The following KLHL12 variants were observed in gnomAD, a reference collection of about 807,000 sequenced individuals.
KLHL12 encodes the protein kelch-like protein 12.
Under a neutral mutation model 60.8 loss-of-function variants are expected in KLHL12, and 17 were observed. The observed-to-expected ratio is 0.28, with a 90% confidence interval of 0.19 to 0.42. The LOEUF (loss-of-function observed/expected upper bound fraction) is 0.42, where lower values mean the gene tolerates loss of function less well. Ranked by LOEUF, KLHL12 falls within the 10% of genes least tolerant of loss-of-function variation. KLHL12 has a pLI of 1.00. For missense variants in KLHL12, 468 were observed against 722.3 expected, an observed-to-expected ratio of 0.65 and a Z score of 4.04; for synonymous variants, 220 against 250.9, an observed-to-expected ratio of 0.88 and a Z score of 1.16.
At chr1:202,904,997 A>G (rs778671020) in intron 6 of KLHL12, among the ~76,000 whole-genome samples, 3 of 152,214 alleles carry the variant, frequency 2.0e-5, no homozygotes, top group Non-Finnish European at 4.4e-5. Flanking sequence ...TTATCCTGGT[A>G]GCTGGTTTAG....
intron 6 of KLHL12, among the ~76,000 whole-genome samples, chr1:202,908,730 A>C (rs1348450508): frequency 6.6e-6 from 1 of 152,222 alleles, no homozygotes; most frequent in East Asian, 1.9e-4. Context: ...TAATATTGAC[A>C]AAAAATTGTA....
rs1659698202 is a variant in KLHL12, at chr1:202,892,282, G to C, written c.*251C>G. 1 of 442,754 alleles carries C rather than the reference G, an allele frequency of 2.3e-6. No individual in the cohort carries two copies. The highest frequency in any genetic ancestry group is 4.1e-6 in the Non-Finnish European group (1 of 243,570). 27.4% of individuals were successfully genotyped at this position (442,754 alleles called of 1,614,324 possible). On this transcript the variant is annotated 3_prime_UTR_variant, in exon 12 of 12. Transcript: ENST00000367261. ...GAAAGTGCTCCCCAAAGCAGTGGGA[G>C]AGGCAATGTGGTCTCTCACATCCAT...
At chr1:202,922,268 T>C (rs1373552397) in intron 2 of KLHL12, among the ~76,000 whole-genome samples, 1 of 124,254 alleles carries the variant, frequency 8.0e-6, no homozygotes, top group Non-Finnish European at 1.8e-5. Context: ...ATATTATTAC[T>C]ATCTAAGAGA....
rs1465157278 is a variant in KLHL12 at position 202,918,347 on chromosome 1, C to G, written c.391G>C (p.Asp131His). ...ACCEFLESQL[D>H]PSNCLGIRDF... ...CTAATACCCAGGCAATTAGAAGGGTCCAACTGACTTTCTAAGAACTCACAG... is the reference window on the plus strand; with the variant it reads ...CTAATACCCAGGCAATTAGAAGGGTGCAACTGACTTTCTAAGAACTCACAG... Residue 131 changes from aspartate to histidine, a missense_variant, in exon 4 of 12, where the codon GAC (aspartate) becomes CAC (histidine). Asp to His is a moderately conservative substitution (Grantham distance 81). Coordinates refer to ENST00000367261, the MANE Select transcript of KLHL12 (RefSeq NM_021633.4). 35 of 1,614,038 alleles carry G rather than the reference C, an allele frequency of 2.2e-5. No individual in the cohort carries two copies. Among genetic ancestry groups the G allele is most frequent in the Non-Finnish European group, 2.9e-5 (34 of 1,180,018 alleles).
chr1:202,927,172 C>T lies in KLHL12; in HGVS notation c.-129G>A, dbSNP rs1653619721. On this transcript the variant is annotated 5_prime_UTR_variant, in exon 1 of 12. Transcript: ENST00000367261. ...TGCGGCGCGGGGCTAGCAGGCGGCT[C>T]GGGAGGAGCCGAAGCGCCGCCCAGA... The T allele has an allele frequency of 5.1e-6, 5 of 985,262 alleles. No individual in the cohort carries two copies. The highest frequency in any genetic ancestry group is 6.0e-6 in the Non-Finnish European group (5 of 829,930). The allele number at this position is 985,262 out of a possible 1,614,324, so 61.0% of individuals were successfully genotyped here.
rs1659733019 is a variant in KLHL12, at chr1:202,893,263, C to T, written c.1556G>A (p.Arg519Gln). The T allele has an allele frequency of 3.7e-6, 6 of 1,608,992 alleles. No individual in the cohort carries two copies. In the South Asian group the frequency reaches 6.6e-5, roughly 18 times the overall value. ...PRCYVGATVL[R>Q]GRLYAIAGYD... ...CCCTGCAATTGCATAGAGTCTCCCCCGAAGCACTGTGGCCCCTACATAGCA... is the reference window on the plus strand; with the variant it reads ...CCCTGCAATTGCATAGAGTCTCCCCTGAAGCACTGTGGCCCCTACATAGCA... The change falls in exon 11 of 12, where the codon CGG becomes CAG. Residue 519 changes from arginine (R) to glutamine (Q), a missense_variant. Coordinates refer to ENST00000367261, the MANE Select transcript of KLHL12 (RefSeq NM_021633.4). The surrounding 1 kb of genome is among the most constrained non-coding windows in gnomAD (Gnocchi z 4.1).
intron 2 of KLHL12, among the ~76,000 whole-genome samples, chr1:202,924,234 CTT>C (rs936016253): frequency 3.3e-5 from 5 of 152,142 alleles, no homozygotes; most frequent in African/African-American, 1.2e-4. Flanking sequence ...TCCTAATTCC[CTT>C]TGTTAAGTGC....
Position 202,895,758 on chromosome 1 carries a change from G to C in KLHL12, c.940-41C>G, listed in dbSNP as rs1318145721. On this transcript the variant is annotated intron_variant, in intron 7 of 11. Coordinates refer to ENST00000367261, the MANE Select transcript of KLHL12 (RefSeq NM_021633.4). This position sits in a 1 kb window ranked among gnomAD's most constrained non-coding sequence, Gnocchi z 4.2. Reference sequence around the variant, plus strand: ...GAAGAGGTACAGAGCATTTCAGTTAGGCAAGTTTTGGGCCTTACCTTTTGC... The same window carrying C: ...GAAGAGGTACAGAGCATTTCAGTTACGCAAGTTTTGGGCCTTACCTTTTGC... 6.5e-7 allele frequency: 1 copy of C among 1,538,678 alleles called. No homozygotes were observed. The highest frequency in any genetic ancestry group is 8.9e-7 in the Non-Finnish European group (1 of 1,119,694).
intron 4 of KLHL12, among the ~76,000 whole-genome samples, chr1:202,914,151 G>A (rs368003835): frequency 6.6e-6 from 1 of 152,192 alleles, no homozygotes; most frequent in East Asian, 1.9e-4. Flanking sequence ...GACTCTCAGA[G>A]CAACTTGAAA....
At position 202,919,833 on chromosome 1, in the gene KLHL12, C is replaced by T; in HGVS notation, c.271G>A (p.Val91Met). The change falls in exon 3 of 12, where the codon GTG becomes ATG. Residue 91 changes from valine (V) to methionine (M), a missense_variant. Transcript: ENST00000367261. Reference protein sequence around the residue: ...ASTMEILLDFVYTETVHVTVE... With the variant: ...ASTMEILLDFMYTETVHVTVE... Reference sequence around the variant, plus strand: ...GTCACATGTACTGTTTCTGTGTACACAAAGTCCAATAAAATTTCCATGGTA... The same window carrying T: ...GTCACATGTACTGTTTCTGTGTACATAAAGTCCAATAAAATTTCCATGGTA... 1.2e-6 allele frequency: 2 copies of T among 1,613,890 alleles called. No homozygotes were observed. The highest frequency in any genetic ancestry group is 1.3e-5 in the African/African-American group (1 of 75,040).
intron 8 of KLHL12, 71 bp from the exon 9 acceptor site, chr1:202,894,820 T>C (rs999301423): frequency 3.0e-5 from 40 of 1,323,670 alleles, no homozygotes; most frequent in Non-Finnish European, 4.0e-5. Context: ...CTCTACAAAT[T>C]TTCCAAGGGT....
At chr1:202,927,325 G>T, upstream of KLHL12, 1 of 941,650 alleles carries the variant, frequency 1.1e-6, no homozygotes, top group Non-Finnish European at 1.3e-6. Flanking sequence ...AGGAGGTGGT[G>T]TCACGTGACC....
chr1:202,904,442 C>T (rs1660121843), intron 6 of KLHL12, among the ~76,000 whole-genome samples: 1 of 152,172 alleles, frequency 6.6e-6, no homozygotes, highest in Non-Finnish European at 1.5e-5. Flanking sequence ...GAAAGTCCTT[C>T]TTCCCCAGAA....
chr1:202,896,938 C>T lies in KLHL12; in HGVS notation c.855G>A (p.Val285=), dbSNP rs1280038153. Residue 285 remains valine (V), a synonymous_variant, in exon 7 of 12, where the codon GTG becomes GTA. Coordinates refer to ENST00000367261, the MANE Select transcript of KLHL12 (RefSeq NM_021633.4). The part of the protein sequence containing the change: ...ARLGANEVLL[V]VGGFGSQQSP... ...ACTGCTGGCTTCCAAAGCCCCCAACCACCAAAAGCACTTCATTGGCTCCTG... is the reference window on the plus strand; with the variant it reads ...ACTGCTGGCTTCCAAAGCCCCCAACTACCAAAAGCACTTCATTGGCTCCTG... 18 of 1,613,974 alleles carry T rather than the reference C, an allele frequency of 1.1e-5. No individual in the cohort carries two copies. The highest frequency in any genetic ancestry group is 1.4e-5 in the Non-Finnish European group (17 of 1,179,998).
At chr1:202,908,197 T>C (rs969884527) in intron 6 of KLHL12, among the ~76,000 whole-genome samples, 2 of 152,182 alleles carry the variant, frequency 1.3e-5, no homozygotes, top group Admixed American at 1.3e-4. Flanking sequence ...TTAGGTATCT[T>C]ATATACATTA....
upstream of KLHL12, among the ~76,000 whole-genome samples, chr1:202,927,674 TAAAAAAA>T (rs748842460): frequency 5.3e-5 from 4 of 75,418 alleles, no homozygotes; most frequent in East Asian, 1.4e-3. Context: ...TGAGACCCTG[TAAAAAAA>T]AAAAAAAAAA....
upstream of KLHL12, among the ~76,000 whole-genome samples, chr1:202,927,653 G>A (rs1306163451): frequency 2.1e-5 from 3 of 142,424 alleles, no homozygotes; most frequent in Admixed American, 2.2e-4. Flanking sequence ...ACTCCAGCCT[G>A]GGCCACAGAA....
intron 2 of KLHL12, among the ~76,000 whole-genome samples, chr1:202,922,239 G>A (rs1034736156): frequency 4.6e-5 from 7 of 151,760 alleles, no homozygotes; most frequent in Non-Finnish European, 7.4e-5. Flanking sequence ...ACAGCAACCT[G>A]GTAAGGTAGT....
chr1:202,927,327 C>T (rs562354279), upstream of KLHL12: 110 of 950,966 alleles, frequency 1.2e-4, no homozygotes, highest in African/African-American at 1.9e-3. Context: ...GAGGTGGTGT[C>T]ACGTGACCTG....
Sources: allele counts gnomAD v4.1 joint callset (sites outside exome capture counted in the v4.1 genomes callset), GRCh38; gene constraint gnomAD v4.1.1; non-coding constraint Gnocchi (gnomAD v3.1); transcripts MANE v1.5; gene names NCBI Gene and HGNC (gene_info 2026-07-23, HGNC 2026-07-21).